USP48: variants seen among roughly 807,000 people sequenced by gnomAD.
USP48 encodes ubiquitin carboxyl-terminal hydrolase 48.
Under a neutral mutation model 150.7 loss-of-function variants are expected in USP48, and 43 were observed. The ratio of observed to expected loss-of-function variants is 0.29; its 90% CI spans 0.22 to 0.37. The LOEUF (loss-of-function observed/expected upper bound fraction) is 0.37, where lower values mean the gene tolerates loss of function less well. Ranked by LOEUF, USP48 falls within the 10% of genes least tolerant of loss-of-function variation. USP48 has a pLI of 1.00. For synonymous variants in USP48, 396 were observed against 425.9 expected (o/e 0.93, Z 0.86); for missense variants, 813 against 1,249.6 (o/e 0.65, Z 5.27).
intron 9 of USP48, 96 bp downstream of exon 9, chr1:21,736,350 T>C: frequency 1.6e-6 from 2 of 1,234,474 alleles, no homozygotes; most frequent in Non-Finnish European, 2.2e-6. Flanking sequence ...TGATAGTCTG[T>C]AACATAACAA....
At chr1:21,724,289 A>G in intron 11 of USP48, 194 bp from the exon 12 acceptor site, 1 of 633,164 alleles carries the variant, frequency 1.6e-6, no homozygotes. Context: ...GAGTTCAAGG[A>G]GCTGTGCACC....
chr1:21,745,863 T>A (rs2097793319), intron 8 of USP48, among the ~76,000 whole-genome samples: 1 of 152,204 alleles, frequency 6.6e-6, no homozygotes, highest in African/African-American at 2.4e-5. Context: ...AACTACTACA[T>A]AAAGTGAACT....
rs766990685 is a variant in USP48 at position 21,728,643 on chromosome 1, C to T, written c.1377G>A (p.Lys459=). The T allele has an allele frequency of 1.2e-6, 2 of 1,614,192 alleles. No homozygotes were observed. The highest frequency in any genetic ancestry group is 2.2e-5 in the East Asian group (1 of 44,872). Residue 459 remains lysine (K), a synonymous_variant, in exon 11 of 27, where the codon AAG becomes AAA. Coordinates refer to ENST00000308271, the MANE Select transcript of USP48 (RefSeq NM_032236.8). Reference sequence around the variant, plus strand: ...TTGCTTTTCCTTTATCCACACTTTGCTTACGCATCTCAGCCATTTCAATAC... The same window carrying T: ...TTGCTTTTCCTTTATCCACACTTTGTTTACGCATCTCAGCCATTTCAATAC... ...EWCIEMAEMR[K]QSVDKGKAKH... is the part of the protein sequence containing the mutation.
Position 21,713,774 on chromosome 1 carries a change from G to A in USP48, c.1963+1615C>T, listed in dbSNP as rs189888204. Among the ~76,000 whole-genome samples the A allele has an allele frequency of 1.2e-3, 190 of 152,122 alleles. 1 individual carries two copies. Among genetic ancestry groups the A allele is most frequent in the African/African-American group, 4.5e-3 (185 of 41,488 alleles). ...ACTTCCTTCCCCTGTTTATTTCCTC[G>A]TGCTATTCAGCACTCACGAGGTCAA... On this transcript the variant is annotated intron_variant, in intron 15 of 26. Coordinates refer to ENST00000308271, the MANE Select transcript of USP48 (RefSeq NM_032236.8).
At chr1:21,740,007 G>A (rs1201131984) in intron 8 of USP48, among the ~76,000 whole-genome samples, 2 of 152,252 alleles carry the variant, frequency 1.3e-5, no homozygotes, top group East Asian at 1.9e-4. Context: ...CACCTCCCAG[G>A]TTCAAGTGAT....
chr1:21,683,616 G>A (rs1417528091), intron 25 of USP48, among the ~76,000 whole-genome samples: 1 of 152,100 alleles, frequency 6.6e-6, no homozygotes. Flanking sequence ...TGAACTCTTG[G>A]GTTCAAGTGA....
intron 12 of USP48, among the ~76,000 whole-genome samples, chr1:21,722,490 G>A (rs1363093888): frequency 6.7e-6 from 1 of 150,146 alleles, no homozygotes; most frequent in Non-Finnish European, 1.5e-5. Context: ...AGTGCACTAC[G>A]ATTCCACCAC....
At chr1:21,731,609 G>T (rs571661478) in intron 9 of USP48, among the ~76,000 whole-genome samples, 70 of 151,438 alleles carry the variant, frequency 4.6e-4, no homozygotes, top group African/African-American at 1.6e-3. Context: ...GGCCAGGTGC[G>T]GTGGCTCATG....
At chr1:21,683,440 A>G (rs2097572205) in intron 25 of USP48, among the ~76,000 whole-genome samples, 1 of 152,060 alleles carries the variant, frequency 6.6e-6, no homozygotes. Context: ...GCTTGAGTGT[A>G]GTGGCATGAT....
chr1:21,747,240 T>C lies in USP48; in HGVS notation c.909-91A>G, dbSNP rs909831289. On this transcript the variant is annotated intron_variant, in intron 7 of 26. Coordinates refer to ENST00000308271, the MANE Select transcript of USP48 (RefSeq NM_032236.8). ...TTAGCTATTTTAATAAACTCAACAG[T>C]AGCTAGCTTTCACTTCACAATCTTC... The C allele has an allele frequency of 5.1e-6, 4 of 780,226 alleles. No homozygotes were observed. The African/African-American group carries it at 7.2e-5, about 14-fold the overall frequency. The allele number at this position is 780,226 out of a possible 1,614,324, so 48.3% of individuals were successfully genotyped here.
At chr1:21,731,455 G>C (rs1468644233) in intron 9 of USP48, among the ~76,000 whole-genome samples, 2 of 151,676 alleles carry the variant, frequency 1.3e-5, no homozygotes, top group Admixed American at 1.3e-4. Flanking sequence ...GTGGAGATGA[G>C]GATTTACCAC....
At position 21,703,628 on chromosome 1, in the gene USP48, A is replaced by AAAAAAAAAAGGGG; in HGVS notation, c.2516-11_2516-10insCCCCTTTTTTTTT. 1.2e-6 allele frequency: 1 copy of AAAAAAAAAAGGGG among 837,098 alleles called. No homozygotes were observed. Among genetic ancestry groups the AAAAAAAAAAGGGG allele is most frequent in the South Asian group, 3.3e-5 (1 of 30,428 alleles). The allele number at this position is 837,098 out of a possible 1,614,324, so 51.9% of individuals were successfully genotyped here. ...CATTCTGGACAGAGTTCTTTGGGGG[A>AAAAAAAAAAGGGG]AAAAAAAAAAGGGAAAACAGAAGTG... On this transcript the variant is annotated splice_polypyrimidine_tract_variant and intron_variant, in intron 20 of 26. Coordinates refer to ENST00000308271, the MANE Select transcript of USP48 (RefSeq NM_032236.8).
intron 1 of USP48, among the ~76,000 whole-genome samples, chr1:21,772,837 G>C (rs1217174886): frequency 6.6e-6 from 1 of 150,620 alleles, no homozygotes; most frequent in East Asian, 1.9e-4. Context: ...CAAAAGAATA[G>C]CTCGAATCTG....
In USP48 at chr1:21,751,600, G is replaced by A. The variant is rs2097813999; in HGVS notation, c.681C>T (p.Gly227=). The part of the protein sequence containing the change: ...YAYVTVCNQC[G]RESKLLSKFY... ...ATTTTGACAAAAGCTTAGACTCTCT[G>A]CCACACTGGTTGCAACTATAATAAA... The change falls in exon 6 of 27, where the codon GGC becomes GGT. Residue 227 remains glycine, a synonymous_variant. Coordinates refer to ENST00000308271, the MANE Select transcript of USP48 (RefSeq NM_032236.8). 1 of 1,613,640 alleles carries A rather than the reference G, an allele frequency of 6.2e-7. No homozygotes were observed. Among genetic ancestry groups the A allele is most frequent in the African/African-American group, 1.3e-5 (1 of 74,888 alleles).
intron 15 of USP48, among the ~76,000 whole-genome samples, chr1:21,708,991 C>G (rs2097682703): frequency 6.6e-6 from 1 of 151,836 alleles, no homozygotes; most frequent in South Asian, 2.1e-4. Context: ...CTCACTGCAG[C>G]CTCGACCTCC....
rs368796076 is a variant in USP48 at position 21,683,904 on chromosome 1, A to C, written c.3059-3070T>G. Among the ~76,000 whole-genome samples the C allele has an allele frequency of 7.2e-5, 11 of 152,276 alleles. No individual in the cohort carries two copies. The East Asian group carries it at 1.7e-3, about 24-fold the overall frequency. ...AGTATTGTCTTTCTGAGCCTGGCTT[A>C]TTTCACTTAACATAATGTCCTCCAG... On this transcript the variant is annotated intron_variant, in intron 25 of 26. Transcript: ENST00000308271.
intron 3 of USP48, among the ~76,000 whole-genome samples, chr1:21,754,194 C>G (rs72660393): frequency 0.011 from 1,715 of 152,072 alleles, 6 homozygotes; most frequent in Non-Finnish European, 0.017. Context: ...AATTAGCAAC[C>G]ATGTTTTGTG....
chr1:21,720,876 C>T (rs1163738336), intron 14 of USP48, among the ~76,000 whole-genome samples, 160 bp downstream of exon 14: 1 of 152,144 alleles, frequency 6.6e-6, no homozygotes, highest in African/African-American at 2.4e-5. Context: ...GTTACCCAGA[C>T]TGGAGTGCAG....
chr1:21,781,416 G>A (rs981009105), intron 1 of USP48, among the ~76,000 whole-genome samples: 2 of 152,000 alleles, frequency 1.3e-5, no homozygotes, highest in Non-Finnish European at 2.9e-5. Flanking sequence ...TCTAGCCTGG[G>A]CAATAAGAGC....
Sources: allele counts gnomAD v4.1 joint callset (sites outside exome capture counted in the v4.1 genomes callset), GRCh38; gene constraint gnomAD v4.1.1; transcripts MANE v1.5; gene names NCBI Gene and HGNC (gene_info 2026-07-23, HGNC 2026-07-21).